The following MRC1 variants were observed in gnomAD, a reference collection of about 807,000 sequenced individuals.
The protein encoded by MRC1 is mannose receptor C-type 1.
MRC1 carries 62 observed loss-of-function variants against 102.9 expected under a neutral mutation model. The observed-to-expected ratio is 0.60, with a 90% CI of 0.49 to 0.74. MRC1 has a LOEUF of 0.74. Among genes scored for constraint, MRC1 ranks in the 30% least tolerant of loss-of-function variants. MRC1 has a pLI of 0.00. For synonymous variants in MRC1, 457 were observed against 298.4 expected (o/e 1.53, Z -5.48); for missense variants, 1,237 against 862.8 (o/e 1.43, Z -5.43).
chr10:17,868,620 G>C (rs1833312352), intron 12 of MRC1, among the ~76,000 whole-genome samples: 1 of 152,162 alleles, frequency 6.6e-6, no homozygotes, highest in Non-Finnish European at 1.5e-5. Flanking sequence ...CCTGCTCTCT[G>C]TACTTCTTTT....
rs782658393 is a variant in MRC1, at chr10:17,833,662, AT to A, written c.638-10del. ...TGCATAATGAACCAAATTCCATCTG[AT>A]TTCTTTCACAGTTGAGGGCAGTGAA... is the stretch of plus-strand genomic sequence containing the variant. On this transcript the variant is annotated splice_polypyrimidine_tract_variant and intron_variant, in intron 3 of 29. Coordinates refer to ENST00000569591, the MANE Select transcript of MRC1 (RefSeq NM_002438.4). 2 of 780,932 alleles carry A rather than the reference AT, an allele frequency of 2.6e-6. No homozygotes were observed. Among genetic ancestry groups the A allele is most frequent in the African/African-American group, 3.4e-5 (2 of 59,126 alleles). The allele number at this position is 780,932 out of a possible 1,614,324, so 48.4% of individuals were successfully genotyped here. A position where few individuals can be genotyped will look rare whatever the true frequency, so the allele number is the denominator to read the frequency against.
intron 26 of MRC1, among the ~76,000 whole-genome samples, chr10:17,904,628 C>A (rs1833872405): frequency 6.6e-6 from 1 of 152,162 alleles, no homozygotes; most frequent in Non-Finnish European, 1.5e-5. Flanking sequence ...CTAATGAAGT[C>A]TCCCAGGTTT....
rs1014537843 is a variant in MRC1 at position 17,856,432 on chromosome 10, T to G, written c.1518+80T>G. 29 of 788,026 alleles carry G rather than the reference T, an allele frequency of 3.7e-5. No homozygotes were observed. In the African/African-American group the frequency reaches 4.9e-4, roughly 13 times the overall value. The allele number at this position is 788,026 out of a possible 1,614,324, so 48.8% of individuals were successfully genotyped here. Reference sequence around the variant, plus strand: ...TTGGCTTTATTTTTATGTGTGAAAGTGCCTTGTTATTGCAGTAGCCAAGGG... The same window carrying G: ...TTGGCTTTATTTTTATGTGTGAAAGGGCCTTGTTATTGCAGTAGCCAAGGG... On this transcript the variant is annotated intron_variant, in intron 9 of 29. Transcript: ENST00000569591.
chr10:17,890,665 G>A (rs1382312715), intron 22 of MRC1, among the ~76,000 whole-genome samples: 1 of 152,122 alleles, frequency 6.6e-6, no homozygotes, highest in Non-Finnish European at 1.5e-5. Flanking sequence ...TGCTTATTAT[G>A]CTTGCTCTTC....
intron 16 of MRC1, 133 bp from the exon 17 acceptor site, chr10:17,874,956 CT>C (rs1833409449): frequency 1.4e-6 from 1 of 724,650 alleles, no homozygotes; most frequent in African/African-American, 1.8e-5. Flanking sequence ...GGACATTCTG[CT>C]GTTCTGGTCT....
chr10:17,909,616 AT>A (rs1833942601), intron 29 of MRC1, among the ~76,000 whole-genome samples: 3 of 151,414 alleles, frequency 2.0e-5, no homozygotes, highest in Admixed American at 2.0e-4. Context: ...CATGGAAGAA[AT>A]TTCTCTTAAG....
chr10:17,910,725 C>T lies in MRC1; in HGVS notation c.*260C>T. 6.0e-6 allele frequency: 3 copies of T among 496,916 alleles called. No individual in the cohort carries two copies. The highest frequency in any genetic ancestry group is 4.3e-5 in the South Asian group (2 of 46,046). The allele number at this position is 496,916 out of a possible 1,614,324, so 30.8% of individuals were successfully genotyped here. A position where few individuals can be genotyped will look rare whatever the true frequency, so the allele number is the denominator to read the frequency against. ...ACAGCACCACAGCACCACATCTAAGCATTAGTGATGGGTAGCTGATGTCAG... is the reference window on the plus strand; with the variant it reads ...ACAGCACCACAGCACCACATCTAAGTATTAGTGATGGGTAGCTGATGTCAG... On this transcript the variant is annotated 3_prime_UTR_variant, in exon 30 of 30. Coordinates refer to ENST00000569591, the MANE Select transcript of MRC1 (RefSeq NM_002438.4).
intron 4 of MRC1, among the ~76,000 whole-genome samples, chr10:17,834,946 C>T (rs1459924034): frequency 6.6e-6 from 1 of 152,186 alleles, no homozygotes; most frequent in Non-Finnish European, 1.5e-5. Context: ...TCTGTCTCTG[C>T]TCCTATGACT....
rs975286587 is a variant in MRC1 at position 17,839,207 on chromosome 10, G to C, written c.803-1486G>C. 4.6e-5 allele frequency among the ~76,000 whole-genome samples: 7 copies of C among 152,190 alleles called. 1 individual carries two copies. The East Asian group carries it at 1.4e-3, about 29-fold the overall frequency. On this transcript the variant is annotated intron_variant, in intron 4 of 29. Coordinates refer to ENST00000569591, the MANE Select transcript of MRC1 (RefSeq NM_002438.4). ...TTAGAGCTGGTAAAAGATGTCAAAA[G>C]GTAATTCTCTTAAAGAGCTATTATC...
chr10:17,883,701 A>G (rs1283733844), intron 21 of MRC1, among the ~76,000 whole-genome samples: 1 of 152,196 alleles, frequency 6.6e-6, no homozygotes, highest in African/African-American at 2.4e-5. Flanking sequence ...TATGTTCAGC[A>G]GATGTGTTTA....
intron 11 of MRC1, among the ~76,000 whole-genome samples, chr10:17,864,433 T>C (rs1833231434): frequency 6.6e-6 from 1 of 152,054 alleles, no homozygotes; most frequent in Non-Finnish European, 1.5e-5. Flanking sequence ...AACTCATTAT[T>C]TCCATATCTT....
Position 17,870,373 on chromosome 10 carries a change from C to A in MRC1, c.2111C>A (p.Thr704Lys). 2.6e-6 allele frequency: 2 copies of A among 780,102 alleles called. No individual in the cohort carries two copies. Among genetic ancestry groups the A allele is most frequent in the Non-Finnish European group, 4.8e-6 (2 of 417,580 alleles). The allele number at this position is 780,102 out of a possible 1,614,324, so 48.3% of individuals were successfully genotyped here. A position where few individuals can be genotyped will look rare whatever the true frequency, so the allele number is the denominator to read the frequency against. ...EEQQTIWRLI[T>K]ASGSYHKLFW... ...CAGCAAACAATATGGCGATTAATAA[C>A]GTAAGTGGTATTTTTATGGATTCCT... Residue 704 changes from threonine to lysine, a missense_variant and splice_region_variant, in exon 13 of 30, where the codon ACA becomes AAA. Thr to Lys is a moderately conservative substitution (Grantham distance 78). Coordinates refer to ENST00000569591, the MANE Select transcript of MRC1 (RefSeq NM_002438.4).
intron 5 of MRC1, among the ~76,000 whole-genome samples, chr10:17,841,526 A>T (rs945964538): frequency 3.3e-5 from 5 of 152,200 alleles, no homozygotes; most frequent in African/African-American, 1.2e-4. Context: ...TTTTTAGAGG[A>T]TAGAAAATGC....
At position 17,894,324 on chromosome 10, in the gene MRC1, C is replaced by T; in HGVS notation, c.3250+12C>T. 1 of 869,978 alleles carries T rather than the reference C, an allele frequency of 1.1e-6. No homozygotes were observed. Among genetic ancestry groups the T allele is most frequent in the South Asian group, 1.3e-5 (1 of 76,448 alleles). The allele number at this position is 869,978 out of a possible 1,614,324, so 53.9% of individuals were successfully genotyped here. ...CCAGACACGATCCGGTAAGTTCTACCAAACCTTACCTTCCTGAAAGAGCTG... is the reference window on the plus strand; with the variant it reads ...CCAGACACGATCCGGTAAGTTCTACTAAACCTTACCTTCCTGAAAGAGCTG... On this transcript the variant is annotated intron_variant, in intron 23 of 29. Transcript: ENST00000569591.
chr10:17,875,288 G>A, intron 17 of MRC1, 35 bp downstream of exon 17: 1 of 778,330 alleles, frequency 1.3e-6, no homozygotes, highest in East Asian at 2.4e-5. Flanking sequence ...AATTTTAATA[G>A]TTTTTGGGGA....
chr10:17,851,217 G>A (rs1441548090), intron 7 of MRC1, among the ~76,000 whole-genome samples: 1 of 151,994 alleles, frequency 6.6e-6, no homozygotes, highest in Non-Finnish European at 1.5e-5. Flanking sequence ...TTAGGAAATT[G>A]GATGGCCAAA....
chr10:17,860,799 G>T (rs917722271), intron 9 of MRC1, among the ~76,000 whole-genome samples: 1 of 152,242 alleles, frequency 6.6e-6, no homozygotes, highest in Admixed American at 6.5e-5. Context: ...CTCAGTAAAC[G>T]TTTCACAAAT....
At chr10:17,840,478 A>G (rs1838734475) in intron 4 of MRC1, among the ~76,000 whole-genome samples, 1 of 152,180 alleles carries the variant, frequency 6.6e-6, no homozygotes, top group African/African-American at 2.4e-5. Flanking sequence ...CAGATTACCT[A>G]TGCTGCCTCT....
chr10:17,866,565 G>C lies in MRC1; in HGVS notation c.1787G>C (p.Arg596Pro). Residue 596 changes from arginine to proline, a missense_variant, in exon 12 of 30, where the codon CGA becomes CCA. Arg to Pro is a moderately radical substitution (Grantham distance 103, BLOSUM62 -2). Transcript: ENST00000569591. Reference sequence around the variant, plus strand: ...CTACTTCATATATTTAATGCAGGGCGAAAGCCAGGGTGTGTTGCCATGAGA... The same window carrying C: ...CTACTTCATATATTTAATGCAGGGCCAAAGCCAGGGTGTGTTGCCATGAGA... ...FTHWNSDMPG[R>P]KPGCVAMRTG... 1.3e-6 allele frequency: 1 copy of C among 780,834 alleles called. No individual in the cohort carries two copies. Among genetic ancestry groups the C allele is most frequent in the Admixed American group, 1.7e-5 (1 of 59,034 alleles). 48.4% of individuals were successfully genotyped at this position (780,834 alleles called of 1,614,324 possible). A position where few individuals can be genotyped will look rare whatever the true frequency, so the allele number is the denominator to read the frequency against.
Sources: gnomAD v4.1 joint callset for allele counts (sites outside exome capture counted in the v4.1 genomes callset) on GRCh38, gnomAD v4.1.1 for gene constraint, MANE v1.5 for transcripts, NCBI Gene and HGNC (gene_info 2026-07-23, HGNC 2026-07-21) for gene names.